Variants in PHACTR2 observed in about 807,000 individuals in gnomAD.
PHACTR2 encodes phosphatase and actin regulator 2.
In PHACTR2, 30 loss-of-function variants were observed where a neutral mutation model predicts 76.0. The observed-to-expected ratio is 0.39, with a 90% CI of 0.30 to 0.54. The LOEUF (loss-of-function observed/expected upper bound fraction) is 0.54. Ranked by LOEUF, PHACTR2 falls within the 20% of genes least tolerant of loss-of-function variation. PHACTR2 has a pLI of 0.61. For synonymous variants in PHACTR2, 292 were observed against 292.5 expected (o/e 1.00, Z 0.02); for missense variants, 696 against 781.1 (o/e 0.89, Z 1.30).
chr6:143,766,401 C>T (rs1033230899), intron 6 of PHACTR2, among the ~76,000 whole-genome samples: 1 of 152,160 alleles, frequency 6.6e-6, no homozygotes, highest in Non-Finnish European at 1.5e-5. Flanking sequence ...CTCTGTGTGC[C>T]CAGCAACCAC....
Position 143,688,101 on chromosome 6 carries a change from G to A in PHACTR2, c.46+9892G>A, listed in dbSNP as rs1777562113. ...ATCAGGAGGCAAAACACATAATGGGGACAAGAATTCAGGCTCTGAAAAGGA... is the reference window on the plus strand; with the variant it reads ...ATCAGGAGGCAAAACACATAATGGGAACAAGAATTCAGGCTCTGAAAAGGA... On this transcript the variant is annotated intron_variant, in intron 1 of 12. Coordinates refer to ENST00000440869, the MANE Select transcript of PHACTR2 (RefSeq NM_001100164.2). The surrounding 1 kb of genome is among the most constrained non-coding windows in gnomAD (Gnocchi z 5.2). 6.6e-6 allele frequency among the ~76,000 whole-genome samples: 1 copy of A among 152,036 alleles called. No individual in the cohort carries two copies. The highest frequency in any genetic ancestry group is 2.4e-5 in the African/African-American group (1 of 41,374).
At position 143,829,652 on chromosome 6, in the gene PHACTR2, G is replaced by A. The variant is rs756283512; in HGVS notation, c.*5963G>A. The A allele has an allele frequency of 2.6e-5, 4 of 152,182 alleles. No individual in the cohort carries two copies. Among genetic ancestry groups the A allele is most frequent in the Admixed American group, 2.0e-4 (3 of 15,290 alleles). The allele number at this position is 152,182 out of a possible 1,614,324, so 9.4% of individuals were successfully genotyped here. ...AATACAGAAACATATTCTCTTTGTC[G>A]CTTTTTATCACCAAAACTGAATGGC... On this transcript the variant is annotated 3_prime_UTR_variant, in exon 13 of 13. Transcript: ENST00000440869.
intron 1 of PHACTR2, among the ~76,000 whole-genome samples, chr6:143,601,307 C>G (rs941180648): frequency 3.9e-5 from 6 of 152,148 alleles, no homozygotes; most frequent in Admixed American, 2.6e-4. Context: ...CTTGGGATGG[C>G]CTTTAGATCT....
At position 143,628,924 on chromosome 6, in the gene PHACTR2, GATATAT is replaced by G. The variant is rs71024862; in HGVS notation, c.13+20652_13+20657del. Among the ~76,000 whole-genome samples, 168 of 33,828 alleles carry G rather than the reference GATATAT, an allele frequency of 5.0e-3. 1 individual carries two copies. The highest frequency in any genetic ancestry group is 6.1e-3 in the Admixed American group (18 of 2,928). 22.2% of individuals were successfully genotyped at this position (33,828 alleles called of 152,430 possible). The stretch of plus-strand genomic sequence containing the variant: ...AGAAGATGAATGTTTAAATGCAGGA[GATATAT>G]ATATATATATATATATATATATATA... On this transcript the variant is annotated intron_variant, in intron 1 of 11. Transcript: ENST00000305766.
At position 143,552,785 on chromosome 6, in the gene PHACTR2, G is replaced by A. The variant is rs114374734; in HGVS notation, c.217+15578G>A. Among the ~76,000 whole-genome samples the A allele has an allele frequency of 7.4e-3, 1,114 of 150,682 alleles. 18 individuals are homozygous for A. Among genetic ancestry groups the A allele is most frequent in the African/African-American group, 0.024 (972 of 41,062 alleles). ...CGGGCATGGTGGTGGGTAGTCCCAG[G>A]TACTCAGGAGGTTGAGGCCAGAGAA... On this transcript the variant is annotated intron_variant, in intron 1 of 11. Transcript: ENST00000367584.
At chr6:143,720,659 T>C (rs1245984704) in intron 2 of PHACTR2, among the ~76,000 whole-genome samples, 1 of 152,072 alleles carries the variant, frequency 6.6e-6, no homozygotes, top group East Asian at 1.9e-4. Context: ...CAAGCTGGAG[T>C]GGAGTGCAAT....
rs923636283 is a variant in PHACTR2, at chr6:143,646,275, G to T, written c.13+37953G>T. 3.3e-5 allele frequency among the ~76,000 whole-genome samples: 5 copies of T among 151,978 alleles called. No homozygotes were observed. Among genetic ancestry groups the T allele is most frequent in the South Asian group, 2.1e-4 (1 of 4,808 alleles). On this transcript the variant is annotated intron_variant, in intron 1 of 11. Coordinates refer to the PHACTR2 transcript ENST00000305766. The surrounding 1 kb of genome is among the most constrained non-coding windows in gnomAD (Gnocchi z 4.1). ...TGTCTATGTCTATGTCAGTAATTGG[G>T]ATTATTTTTAAACTGAAAAACTCTA...
In PHACTR2 at chr6:143,787,642, GTGGC is replaced by G. The variant is rs1775584813; in HGVS notation, c.1708-1129_1708-1126del. Among the ~76,000 whole-genome samples the G allele has an allele frequency of 6.6e-6, 1 of 152,202 alleles. No homozygotes were observed. The highest frequency in any genetic ancestry group is 2.1e-4 in the South Asian group (1 of 4,830). Reference sequence around the variant, plus strand: ...TAAGGAATATCTCTGGACAGGTGTTGTGGCTTATGCCTGTAACCCCAGCACTTTG... The same window carrying G: ...TAAGGAATATCTCTGGACAGGTGTTGTTATGCCTGTAACCCCAGCACTTTG... On this transcript the variant is annotated intron_variant, in intron 10 of 12. Coordinates refer to ENST00000440869, the MANE Select transcript of PHACTR2 (RefSeq NM_001100164.2). This position sits in a 1 kb window ranked among gnomAD's most constrained non-coding sequence, Gnocchi z 4.6.
Position 143,670,448 on chromosome 6 carries a change from G to A in PHACTR2, c.14-41568G>A, listed in dbSNP as rs189353072. 2.0e-5 allele frequency among the ~76,000 whole-genome samples: 3 copies of A among 152,248 alleles called. No homozygotes were observed. The East Asian group carries it at 5.8e-4, about 29-fold the overall frequency. On this transcript the variant is annotated intron_variant, in intron 1 of 11. Coordinates refer to the PHACTR2 transcript ENST00000305766. ...ATCCTGAAGAGTGTTTTCCAACTTG[G>A]TTTCACTCTCCCCGTCACTTTCAGG... is the stretch of plus-strand genomic sequence containing the variant.
rs9484777 is a variant in PHACTR2, at chr6:143,585,411, T to A, written c.217+48204T>A. ...GCCAAATCTCAGTTAAAATAGAAGC[T>A]GAGATTCCAGGCAGCACAAGAACAA... On this transcript the variant is annotated intron_variant, in intron 1 of 11. Transcript: ENST00000367584. The surrounding 1 kb of genome is among the most constrained non-coding windows in gnomAD (Gnocchi z 5.2). 0.34 allele frequency among the ~76,000 whole-genome samples: 52,268 copies of A among 151,962 alleles called. 9,414 individuals carry two copies. Among genetic ancestry groups the A allele is most frequent in the Non-Finnish European group, 0.39 (26,663 of 67,962 alleles).
rs1775957470 is a variant in PHACTR2 at position 143,610,407 on chromosome 6, C to G, written c.13+2085C>G. On this transcript the variant is annotated intron_variant, in intron 1 of 11. Transcript: ENST00000305766. The surrounding 1 kb of genome is among the most constrained non-coding windows in gnomAD (Gnocchi z 4.9). ...TTTCTAATCAGAAATGAATTGAGGCCCTGGATTTCAGAGCTAGTAGTTTAG... is the reference window on the plus strand; with the variant it reads ...TTTCTAATCAGAAATGAATTGAGGCGCTGGATTTCAGAGCTAGTAGTTTAG... Among the ~76,000 whole-genome samples, 2 of 151,994 alleles carry G rather than the reference C, an allele frequency of 1.3e-5. 1 individual carries two copies. Among genetic ancestry groups the G allele is most frequent in the South Asian group, 4.2e-4 (2 of 4,814 alleles).
chr6:143,759,112 A>G (rs1779372324), intron 4 of PHACTR2, among the ~76,000 whole-genome samples: 2 of 152,162 alleles, frequency 1.3e-5, no homozygotes, highest in South Asian at 4.1e-4. Context: ...ATCAGCCACT[A>G]TTAGAAAGAA....
rs1003928264 is a variant in PHACTR2, at chr6:143,818,150, T to G, written c.1923-5524T>G. On this transcript the variant is annotated intron_variant, in intron 12 of 12. Coordinates refer to ENST00000440869, the MANE Select transcript of PHACTR2 (RefSeq NM_001100164.2). This position sits in a 1 kb window ranked among gnomAD's most constrained non-coding sequence, Gnocchi z 4.9. ...ATATAATAAAATAATCAATAAAAAA[T>G]TTAAATAAAATTTGATTAAAATGGA... 6.6e-6 allele frequency among the ~76,000 whole-genome samples: 1 copy of G among 152,148 alleles called. No individual in the cohort carries two copies. The highest frequency in any genetic ancestry group is 2.4e-5 in the African/African-American group (1 of 41,424).
At chr6:143,699,236 C>G (rs966556159) in intron 1 of PHACTR2, among the ~76,000 whole-genome samples, 4 of 152,176 alleles carry the variant, frequency 2.6e-5, no homozygotes, top group African/African-American at 9.7e-5. Context: ...CCCCGTGTGG[C>G]TGGTCTGACA....
chr6:143,724,600 G>A (rs772702462), intron 2 of PHACTR2, among the ~76,000 whole-genome samples: 1 of 149,198 alleles, frequency 6.7e-6, no homozygotes, highest in Non-Finnish European at 1.5e-5. Context: ...TCCCAGCCCC[G>A]AGTTTCTACA....
intron 1 of PHACTR2, among the ~76,000 whole-genome samples, chr6:143,579,744 T>C (rs193057743): frequency 1.3e-5 from 2 of 149,172 alleles, no homozygotes; most frequent in Admixed American, 1.3e-4. Context: ...TGTGTATTCA[T>C]TATCTATTGC....
rs1368480936 is a variant in PHACTR2 at position 143,581,256 on chromosome 6, CTGTAGATGTCTGTAATTGACCG to C, written c.217+44050_217+44071del. Among the ~76,000 whole-genome samples the C allele has an allele frequency of 6.6e-6, 1 of 152,172 alleles. No homozygotes were observed. The highest frequency in any genetic ancestry group is 1.5e-5 in the Non-Finnish European group (1 of 68,030). On this transcript the variant is annotated intron_variant, in intron 1 of 11. Coordinates refer to the PHACTR2 transcript ENST00000367584. This position sits in a 1 kb window ranked among gnomAD's most constrained non-coding sequence, Gnocchi z 4.5. ...TGCTCCTTTGACTATGGCATAGACTCTGTAGATGTCTGTAATTGACCGGGAGGTATGTAGATGACTGTATCAA... is the reference window on the plus strand; with the variant it reads ...TGCTCCTTTGACTATGGCATAGACTCGGAGGTATGTAGATGACTGTATCAA...
At position 143,678,806 on chromosome 6, in the gene PHACTR2, C is replaced by T. The variant is rs1315219545; in HGVS notation, c.46+597C>T. ...ATCTCATGAACTTAGTTCTCCAGGACTAAAGTTAGTTTTATGGAGACGTGT... is the reference window on the plus strand; with the variant it reads ...ATCTCATGAACTTAGTTCTCCAGGATTAAAGTTAGTTTTATGGAGACGTGT... On this transcript the variant is annotated intron_variant, in intron 1 of 12. Coordinates refer to ENST00000440869, the MANE Select transcript of PHACTR2 (RefSeq NM_001100164.2). This position sits in a 1 kb window ranked among gnomAD's most constrained non-coding sequence, Gnocchi z 6.2. Among the ~76,000 whole-genome samples, 1 of 152,144 alleles carries T rather than the reference C, an allele frequency of 6.6e-6. No individual in the cohort carries two copies. Among genetic ancestry groups the T allele is most frequent in the Non-Finnish European group, 1.5e-5 (1 of 68,028 alleles).
At chr6:143,736,764 C>CG (rs994589949) in intron 2 of PHACTR2, among the ~76,000 whole-genome samples, 18 of 151,142 alleles carry the variant, frequency 1.2e-4, no homozygotes, top group African/African-American at 4.4e-4. Flanking sequence ...TTAATAGAGA[C>CG]GGGGTTTTAC....
Sources: gnomAD v4.1 joint callset for allele counts (sites outside exome capture counted in the v4.1 genomes callset) on GRCh38, gnomAD v4.1.1 for gene constraint, Gnocchi (gnomAD v3.1) non-coding constraint, MANE v1.5 for transcripts, NCBI Gene and HGNC (gene_info 2026-07-23, HGNC 2026-07-21) for gene names.